The following DNAAF9 variants were observed in gnomAD, a reference collection of about 807,000 sequenced individuals.
DNAAF9 encodes the protein shulin.
Under a neutral mutation model 167.0 loss-of-function variants are expected in DNAAF9, and 90 were observed. That is an observed-to-expected ratio of 0.54 (90% CI 0.45 to 0.64). DNAAF9 has a LOEUF of 0.64. DNAAF9 is among the 30% of genes least tolerant of loss of function. The pLI, the probability that DNAAF9 is intolerant of heterozygous loss-of-function variation, is 0.00. For missense variants in DNAAF9, 1,315 were observed against 1,442.2 expected (o/e 0.91, Z 1.43); for synonymous variants, 491 against 508.8 (o/e 0.96, Z 0.47).
chr20:3,368,449 G>A (rs1250943568), intron 6 of DNAAF9, among the ~76,000 whole-genome samples: 2 of 149,312 alleles, frequency 1.3e-5, no homozygotes, highest in East Asian at 3.9e-4. Context: ...TGGGTGACTT[G>A]TTTTTTCTTC....
chr20:3,375,610 A>G (rs2083564846), intron 4 of DNAAF9, among the ~76,000 whole-genome samples: 1 of 152,220 alleles, frequency 6.6e-6, no homozygotes, highest in Admixed American at 6.5e-5. Context: ...CTGTAATCCC[A>G]GAACTTTGGG....
In DNAAF9 at chr20:3,315,400, T is replaced by C. The variant is rs2123030133; in HGVS notation, c.1591-280A>G. On this transcript the variant is annotated intron_variant, in intron 19 of 36. Transcript: ENST00000252032. The surrounding 1 kb of genome is among the most constrained non-coding windows in gnomAD (Gnocchi z 4.1). ...CATGTTCCAGTGGATTTATTTCCTT[T>C]GTGAAAACAGAGGCAGCTTCTCCTT... Among the ~76,000 whole-genome samples the C allele has an allele frequency of 6.6e-6, 1 of 152,344 alleles. No individual in the cohort carries two copies. The highest frequency in any genetic ancestry group is 1.9e-4 in the East Asian group (1 of 5,184).
Position 3,281,752 on chromosome 20 carries a change from A to G in DNAAF9, c.2501T>C (p.Ile834Thr), listed in dbSNP as rs754177940. The G allele has an allele frequency of 9.9e-6, 16 of 1,611,768 alleles. No homozygotes were observed. The highest frequency in any genetic ancestry group is 1.3e-5 in the Non-Finnish European group (15 of 1,179,164). The change falls in exon 28 of 37, where the codon ATT becomes ACT. Residue 834 changes from isoleucine to threonine, a missense_variant. Physicochemically the swap from Ile to Thr is moderately conservative, Grantham distance 89. This residue lies in a region of DNAAF9 where 334 missense variants were observed against 429.7 expected (regional missense o/e 0.78). Coordinates refer to ENST00000252032, the MANE Select transcript of DNAAF9 (RefSeq NM_001009984.3). The stretch of plus-strand genomic sequence containing the variant: ...GGTCTGCAGGGCCTGGACAACATCA[A>G]TAACATCTGTGTAGCTGGGGAAGGT... ...LVVLQGYTDVIDVVQALQTHP... is the reference protein window; with the variant it reads ...LVVLQGYTDVTDVVQALQTHP...
intron 27 of DNAAF9, among the ~76,000 whole-genome samples, chr20:3,285,454 G>A (rs978981144): frequency 4.6e-5 from 7 of 152,208 alleles, no homozygotes; most frequent in African/African-American, 1.7e-4. Context: ...CAAGGCAGGC[G>A]GATCACTTGA....
chr20:3,268,478 G>C (rs145838375), intron 30 of DNAAF9, among the ~76,000 whole-genome samples: 3 of 151,954 alleles, frequency 2.0e-5, no homozygotes, highest in Non-Finnish European at 2.9e-5. Context: ...ATAGGCATGC[G>C]CCACCATGCC....
At chr20:3,328,134 CAAG>C (rs2069746236) in intron 12 of DNAAF9, among the ~76,000 whole-genome samples, 1 of 152,028 alleles carries the variant, frequency 6.6e-6, no homozygotes. Context: ...GATCAATACA[CAAG>C]CCACATGGCC....
At chr20:3,276,524 T>C (rs553361249) in intron 29 of DNAAF9, among the ~76,000 whole-genome samples, 1 of 152,238 alleles carries the variant, frequency 6.6e-6, no homozygotes, top group Non-Finnish European at 1.5e-5. Flanking sequence ...GAGAACAGTC[T>C]GTTTTGGCCT....
chr20:3,317,495 T>A (rs971576082), intron 17 of DNAAF9, among the ~76,000 whole-genome samples: 1 of 152,140 alleles, frequency 6.6e-6, no homozygotes, highest in Non-Finnish European at 1.5e-5. Context: ...ATTATCAGGC[T>A]CATTCTACCA....
At chr20:3,301,515 A>G (rs2069189215) in intron 21 of DNAAF9, among the ~76,000 whole-genome samples, 1 of 152,016 alleles carries the variant, frequency 6.6e-6, no homozygotes, top group African/African-American at 2.4e-5. Context: ...AACTTAATTT[A>G]TCATCACCAT....
At chr20:3,284,225 G>C (rs1490047996) in intron 27 of DNAAF9, among the ~76,000 whole-genome samples, 1 of 144,822 alleles carries the variant, frequency 6.9e-6, no homozygotes, top group Non-Finnish European at 1.5e-5. Flanking sequence ...CTGTTGCCCA[G>C]GCTGGAGTGC....
intron 1 of DNAAF9, among the ~76,000 whole-genome samples, chr20:3,389,355 T>G (rs1482443557): frequency 3.3e-5 from 5 of 151,614 alleles, no homozygotes; most frequent in Admixed American, 3.3e-4. Flanking sequence ...CTCACCATGT[T>G]GCCCAGGCTG....
At chr20:3,381,708 G>C (rs2083656901) in intron 2 of DNAAF9, among the ~76,000 whole-genome samples, 1 of 152,182 alleles carries the variant, frequency 6.6e-6, no homozygotes, top group East Asian at 1.9e-4. Context: ...TCTTGTAATT[G>C]AGATAATCAA....
rs1336336891 is a variant in DNAAF9, at chr20:3,296,925, C to T, written c.1954G>A (p.Asp652Asn). 1 of 1,609,582 alleles carries T rather than the reference C, an allele frequency of 6.2e-7. No individual in the cohort carries two copies. The highest frequency in any genetic ancestry group is 1.3e-5 in the African/African-American group (1 of 74,806). ...SEVFSLWKQQ[D>N]NSGISLKVIQ... ...ACTTTTAAAGAGATCCCTGAGTTAT[C>T]CTGCTGTTTCCAGAGGGAGAAGACC... The change falls in exon 23 of 37, where the codon GAT becomes AAT. Residue 652 changes from aspartate to asparagine, a missense_variant. Asp to Asn is a conservative substitution (Grantham distance 23). This residue lies in a region of DNAAF9 where 981 missense variants were observed against 1,012.5 expected (regional missense o/e 0.97). Transcript: ENST00000252032.
chr20:3,388,903 T>C (rs1244854944), intron 1 of DNAAF9, among the ~76,000 whole-genome samples: 1 of 152,222 alleles, frequency 6.6e-6, no homozygotes, highest in Non-Finnish European at 1.5e-5. Flanking sequence ...ATGTCCTTAG[T>C]GCCACAGAAT....
At position 3,249,772 on chromosome 20, in the gene DNAAF9, G is replaced by C. The variant is rs570853461; in HGVS notation, c.*2800C>G. On this transcript the variant is annotated 3_prime_UTR_variant, in exon 37 of 37. Transcript: ENST00000252032. Reference sequence around the variant, plus strand: ...TTTGAGAAGCCCAAGGAGCAACCCAGAGCTTCTTACTGTGCAAAAATTCTC... The same window carrying C: ...TTTGAGAAGCCCAAGGAGCAACCCACAGCTTCTTACTGTGCAAAAATTCTC... 2.6e-5 allele frequency: 4 copies of C among 152,228 alleles called. No homozygotes were observed. The highest frequency in any genetic ancestry group is 9.6e-5 in the African/African-American group (4 of 41,530). 9.4% of individuals were successfully genotyped at this position (152,228 alleles called of 1,614,324 possible). A position where few individuals can be genotyped will look rare whatever the true frequency, so the allele number is the denominator to read the frequency against.
rs115049678 is a variant in DNAAF9 at position 3,301,479 on chromosome 20, C to T, written c.1782+2961G>A. On this transcript the variant is annotated intron_variant, in intron 21 of 36. Coordinates refer to ENST00000252032, the MANE Select transcript of DNAAF9 (RefSeq NM_001009984.3). ...CTAGGATTACAGGCGTGAGCCACCA[C>T]GCCCAGCCCCTTATCCTGTTTTTAA... is the stretch of plus-strand genomic sequence containing the variant. 4.8e-3 allele frequency among the ~76,000 whole-genome samples: 738 copies of T among 152,288 alleles called. 2 individuals carry two copies. Among genetic ancestry groups the T allele is most frequent in the Middle Eastern group, 6.8e-3 (2 of 294 alleles).
intron 1 of DNAAF9, among the ~76,000 whole-genome samples, chr20:3,406,362 AT>A (rs1412899567): frequency 1.3e-5 from 2 of 152,204 alleles, no homozygotes; most frequent in African/African-American, 4.8e-5. Context: ...AGGGAACAAT[AT>A]ATTTGCTTTG....
intron 11 of DNAAF9, 123 bp downstream of exon 11, chr20:3,332,157 G>A: frequency 3.2e-6 from 2 of 619,894 alleles, no homozygotes; most frequent in Non-Finnish European, 5.9e-6. Context: ...GAGGGAGCTG[G>A]AGGCCCACAA....
At chr20:3,263,866 A>G (rs561875315) in intron 31 of DNAAF9, among the ~76,000 whole-genome samples, 5 of 151,400 alleles carry the variant, frequency 3.3e-5, no homozygotes, top group South Asian at 2.1e-4. Context: ...GAGCTGCCAT[A>G]TAGAGAGTGG....
Sources: gnomAD v4.1 joint callset for allele counts (sites outside exome capture counted in the v4.1 genomes callset) on GRCh38, gnomAD v4.1.1 for gene constraint, gnomAD v4.1.1 regional missense constraint, Gnocchi (gnomAD v3.1) non-coding constraint, MANE v1.5 for transcripts, NCBI Gene and HGNC (gene_info 2026-07-23, HGNC 2026-07-21) for gene names.